CCDC7: variants seen among roughly 807,000 people sequenced by gnomAD.
The protein encoded by CCDC7 is coiled-coil domain-containing protein 7.
In CCDC7, 183 loss-of-function variants were observed where a neutral mutation model predicts 196.9. The ratio of observed to expected loss-of-function variants is 0.93; its 90% confidence interval spans 0.82 to 1.05. CCDC7 has a LOEUF of 1.05. CCDC7 is among the 50% of genes least tolerant of loss of function. The pLI is 0.00. For missense variants in CCDC7, 1,540 were observed against 1,482.2 expected (o/e 1.04, Z -0.64); for synonymous variants, 525 against 484.6 (o/e 1.08, Z -1.10).
At chr10:32,537,021 A>G (rs925261672) in intron 11 of CCDC7, among the ~76,000 whole-genome samples, 3 of 152,158 alleles carry the variant, frequency 2.0e-5, no homozygotes, top group East Asian at 3.9e-4. Context: ...ATACCCAACA[A>G]TGAGATTGCT....
chr10:32,694,865 A>G lies in CCDC7; in HGVS notation c.2345-14A>G, dbSNP rs185001789. ...GTTTTTCCATTAAGAGACTAAATGC[A>G]TCTCCTTATGTAGCTCATGATGAAG... On this transcript the variant is annotated splice_polypyrimidine_tract_variant and intron_variant, in intron 23 of 41. Transcript: ENST00000639629. 3.8e-4 allele frequency: 566 copies of G among 1,490,656 alleles called. 4 individuals carry two copies. In the African/African-American group the frequency reaches 6.9e-3, roughly 18 times the overall value. The allele number at this position is 1,490,656 out of a possible 1,614,324, so 92.3% of individuals were successfully genotyped here.
intron 17 of CCDC7, among the ~76,000 whole-genome samples, chr10:32,583,537 G>A (rs1435405668): frequency 6.6e-6 from 1 of 151,848 alleles, no homozygotes; most frequent in Non-Finnish European, 1.5e-5. Context: ...TTAAAAAGTT[G>A]TGGGTTACAT....
At chr10:32,554,372 T>C (rs1340390703) in intron 13 of CCDC7, among the ~76,000 whole-genome samples, 1 of 152,232 alleles carries the variant, frequency 6.6e-6, no homozygotes, top group Non-Finnish European at 1.5e-5. Flanking sequence ...AAAGTTCAGC[T>C]AGAACTGCTT....
At chr10:32,876,200 G>A in intron 41 of CCDC7, 147 bp from the exon 43 acceptor site, 1 of 577,074 alleles carries the variant, frequency 1.7e-6, no homozygotes, top group East Asian at 3.1e-5. Context: ...AAAAACAATA[G>A]GTAGGTAGAT....
chr10:32,769,499 T>C (rs1264457941), intron 28 of CCDC7, among the ~76,000 whole-genome samples: 1 of 152,220 alleles, frequency 6.6e-6, no homozygotes, highest in East Asian at 1.9e-4. Context: ...TTTGAAATTA[T>C]ACTTTAAGTT....
chr10:32,878,452 T>C (rs1232485202), downstream of CCDC7, among the ~76,000 whole-genome samples: 6 of 152,062 alleles, frequency 3.9e-5, no homozygotes, highest in Non-Finnish European at 8.8e-5. Context: ...GTCTTTCAAC[T>C]GAGCTTTGGG....
At chr10:32,555,149 A>G (rs1256319714) in intron 13 of CCDC7, among the ~76,000 whole-genome samples, 2 of 152,230 alleles carry the variant, frequency 1.3e-5, no homozygotes, top group African/African-American at 4.8e-5. Flanking sequence ...TTGTGGTGCA[A>G]TAAACATGGG....
chr10:32,469,931 A>G (rs2037605050), intron 5 of CCDC7, among the ~76,000 whole-genome samples: 2 of 152,234 alleles, frequency 1.3e-5, no homozygotes, highest in African/African-American at 2.4e-5. Flanking sequence ...AATGAAGAAT[A>G]GATTTTTGAG....
intron 41 of CCDC7, among the ~76,000 whole-genome samples, chr10:32,863,488 GAC>G (rs2094083240): frequency 6.6e-6 from 1 of 151,908 alleles, no homozygotes; most frequent in Non-Finnish European, 1.5e-5. Flanking sequence ...AAATTGCTAA[GAC>G]TACAGGTGCA....
Position 32,656,035 on chromosome 10 carries a change from T to C in CCDC7, c.2015-8019T>C, listed in dbSNP as rs970923573. Reference sequence around the variant, plus strand: ...TCATACTGTTGATAGTTTTGTTTTCTGTGCAGGAACTGTTTAGTTTGATAC... The same window carrying C: ...TCATACTGTTGATAGTTTTGTTTTCCGTGCAGGAACTGTTTAGTTTGATAC... On this transcript the variant is annotated intron_variant, in intron 20 of 41. Transcript: ENST00000639629. Among the ~76,000 whole-genome samples the C allele has an allele frequency of 2.0e-5, 3 of 151,468 alleles. No homozygotes were observed. In the East Asian group the frequency reaches 5.8e-4, roughly 29 times the overall value.
intron 22 of CCDC7, among the ~76,000 whole-genome samples, chr10:32,687,836 G>A (rs1029887079): frequency 1.3e-5 from 2 of 152,184 alleles, no homozygotes; most frequent in Admixed American, 6.5e-5. Flanking sequence ...AATAGCACAT[G>A]TGTTATAGGT....
chr10:32,645,503 CTTTT>C (rs35170235), intron 20 of CCDC7, among the ~76,000 whole-genome samples: 31 of 65,142 alleles, frequency 4.8e-4, no homozygotes, highest in African/African-American at 1.4e-3. Context: ...GAGTCCATGT[CTTTT>C]TTTTTTTTTT....
At chr10:32,788,344 G>C (rs533953817) in intron 29 of CCDC7, among the ~76,000 whole-genome samples, 1 of 152,282 alleles carries the variant, frequency 6.6e-6, no homozygotes, top group Non-Finnish European at 1.5e-5. Flanking sequence ...CTCCAGACCA[G>C]TAGCAATCAA....
At position 32,550,153 on chromosome 10, in the gene CCDC7, GT is replaced by G. The variant is rs536415779; in HGVS notation, c.1134+5866del. 3.9e-3 allele frequency among the ~76,000 whole-genome samples: 544 copies of G among 140,336 alleles called. 3 individuals carry two copies. Among genetic ancestry groups the G allele is most frequent in the African/African-American group, 0.01 (397 of 38,040 alleles). The allele number at this position is 140,336 out of a possible 152,430, so 92.1% of individuals were successfully genotyped here. ...ACTCCTTGGCTAGGTATATTCTTAA[GT>G]TTTTTTTTTTTTTCAGCTATTGTAA... On this transcript the variant is annotated intron_variant, in intron 13 of 41. Transcript: ENST00000639629.
chr10:32,718,966 T>C (rs141850340), intron 25 of CCDC7, among the ~76,000 whole-genome samples: 3,177 of 152,294 alleles, frequency 0.021, 44 homozygotes, highest in Non-Finnish European at 0.033. Context: ...ATTTATAGAT[T>C]CAATGCTATT....
intron 41 of CCDC7, among the ~76,000 whole-genome samples, chr10:32,871,339 G>A (rs531365222): frequency 3.5e-4 from 53 of 152,250 alleles, no homozygotes; most frequent in African/African-American, 1.2e-3. Flanking sequence ...GAGGATGTAT[G>A]TGTTGAGGAA....
At chr10:32,822,193 A>G (rs2090363874) in intron 31 of CCDC7, among the ~76,000 whole-genome samples, 1 of 152,322 alleles carries the variant, frequency 6.6e-6, no homozygotes, top group Admixed American at 6.5e-5. Flanking sequence ...TAAAAAAGGT[A>G]TGAGTTAAAT....
At chr10:32,640,761 C>G (rs2066596233) in intron 20 of CCDC7, among the ~76,000 whole-genome samples, 1 of 151,702 alleles carries the variant, frequency 6.6e-6, no homozygotes, top group Non-Finnish European at 1.5e-5. Flanking sequence ...TTCTCCTTCA[C>G]TTATGAAGCT....
At chr10:32,713,028 T>A (rs2081065109) in intron 25 of CCDC7, among the ~76,000 whole-genome samples, 1 of 152,202 alleles carries the variant, frequency 6.6e-6, no homozygotes. Flanking sequence ...GTTTGGTAGG[T>A]CATGATCTTC....
Sources: gnomAD v4.1 joint callset for allele counts (sites outside exome capture counted in the v4.1 genomes callset) on GRCh38, gnomAD v4.1.1 for gene constraint, MANE v1.5 for transcripts, NCBI Gene and HGNC (gene_info 2026-07-23, HGNC 2026-07-21) for gene names.